CILK1: variants seen among roughly 807,000 people sequenced by gnomAD.
The protein encoded by CILK1 is serine/threonine-protein kinase ICK.
In CILK1, 47 loss-of-function variants were observed where a neutral mutation model predicts 79.2. The observed-to-expected ratio is 0.59, with a 90% CI of 0.47 to 0.76. The LOEUF is 0.76. Ranked by LOEUF, CILK1 falls within the 30% of genes least tolerant of loss-of-function variation. The probability of loss-of-function intolerance (pLI) is 0.00; values close to 1 mark genes in which losing one functional copy is unlikely to be tolerated. For synonymous variants in CILK1, 266 were observed against 275.9 expected (o/e 0.96, Z 0.36); for missense variants, 660 against 769.5 (o/e 0.86, Z 1.68).
intron 3 of CILK1, among the ~76,000 whole-genome samples, chr6:53,034,008 G>A (rs903322441): frequency 2.2e-4 from 34 of 152,168 alleles, no homozygotes; most frequent in Admixed American, 7.9e-4. Flanking sequence ...TCTTTCGGTC[G>A]GGTTGGATTC....
Position 53,061,758 on chromosome 6 carries a change from G to A in CILK1, c.-335C>T, listed in dbSNP as rs904040545. On this transcript the variant is annotated 5_prime_UTR_variant, in exon 1 of 14. Coordinates refer to ENST00000676107, the MANE Select transcript of CILK1 (RefSeq NM_014920.5). ...CCCGCGAGGTCCGGCGAGTCGCACG[G>A]GCCGCACGGCGCATGGTAGTGCAGC... The A allele has an allele frequency of 3.3e-5, 5 of 152,316 alleles. No individual in the cohort carries two copies. Among genetic ancestry groups the A allele is most frequent in the African/African-American group, 1.2e-4 (5 of 41,470 alleles). The allele number at this position is 152,316 out of a possible 1,614,324, so 9.4% of individuals were successfully genotyped here.
intron 5 of CILK1, among the ~76,000 whole-genome samples, chr6:53,029,227 A>T (rs1765768424): frequency 6.6e-6 from 1 of 152,134 alleles, no homozygotes; most frequent in South Asian, 2.1e-4. Flanking sequence ...CTTTTCCCTG[A>T]GCTCTTAATC....
chr6:53,041,656 G>A (rs780765852), intron 1 of CILK1, among the ~76,000 whole-genome samples: 3 of 152,136 alleles, frequency 2.0e-5, no homozygotes, highest in African/African-American at 4.8e-5. Context: ...CTTGATTCCC[G>A]GCTGGGGCTG....
chr6:53,036,876 AATT>A (rs1766374865), intron 3 of CILK1, among the ~76,000 whole-genome samples: 1 of 152,116 alleles, frequency 6.6e-6, no homozygotes, highest in Non-Finnish European at 1.5e-5. Flanking sequence ...AATTATACTA[AATT>A]ATTATTACAT....
intron 1 of CILK1, 109 bp from the exon 2 acceptor site, chr6:53,041,517 C>A: frequency 2.5e-6 from 1 of 408,156 alleles, no homozygotes; most frequent in Non-Finnish European, 4.7e-6. Context: ...TACCCACATA[C>A]TTGCATACCA....
At chr6:53,032,473 G>T in intron 4 of CILK1, 60 bp downstream of exon 4, 1 of 1,191,516 alleles carries the variant, frequency 8.4e-7, no homozygotes, top group Non-Finnish European at 1.1e-6. Flanking sequence ...AAAGCAGAAA[G>T]AAAACACATC....
intron 5 of CILK1, among the ~76,000 whole-genome samples, chr6:53,026,055 T>C (rs928682247): frequency 3.9e-5 from 6 of 152,256 alleles, no homozygotes; most frequent in Admixed American, 1.3e-4. Context: ...ATCCTTCCTG[T>C]GCCTTAGTTT....
At chr6:53,038,366 C>T (rs193038483) in intron 2 of CILK1, among the ~76,000 whole-genome samples, 2 of 152,268 alleles carry the variant, frequency 1.3e-5, no homozygotes, top group African/African-American at 4.8e-5. Flanking sequence ...ATGGTAGCCA[C>T]TAGACACATG....
In CILK1 at chr6:53,018,388, C is replaced by G. The variant is rs750146298; in HGVS notation, c.605G>C (p.Gly202Ala). Residue 202 changes from glycine (G) to alanine (A), a missense_variant, in exon 7 of 14, where the codon GGA (glycine) becomes GCA (alanine). By Grantham distance (60) the Gly-to-Ala change is moderately conservative. Coordinates refer to ENST00000676107, the MANE Select transcript of CILK1 (RefSeq NM_014920.5). ...EVYTLRPLFP[G>A]ASEIDTIFKI... The stretch of plus-strand genomic sequence containing the variant: ...GAATATTGTGTCAATTTCACTGGCT[C>G]CAGGGAAGAGTGGCCTGAGGGTGTA... The G allele has an allele frequency of 1.2e-6, 2 of 1,614,136 alleles. No individual in the cohort carries two copies. The highest frequency in any genetic ancestry group is 2.2e-5 in the East Asian group (1 of 44,878).
Position 53,061,581 on chromosome 6 carries a change from C to G in CILK1, c.-173+15G>C, listed in dbSNP as rs1043447950. ...TCGCCCGGCAGAAGCCCCTAAATCC[C>G]GGAGCCCCACTTACTGGCGCCGCGA... On this transcript the variant is annotated intron_variant, in intron 1 of 13. Coordinates refer to ENST00000676107, the MANE Select transcript of CILK1 (RefSeq NM_014920.5). 4 of 152,348 alleles carry G rather than the reference C, an allele frequency of 2.6e-5. No individual in the cohort carries two copies. Among genetic ancestry groups the G allele is most frequent in the Non-Finnish European group, 4.4e-5 (3 of 68,142 alleles). The allele number at this position is 152,348 out of a possible 1,614,324, so 9.4% of individuals were successfully genotyped here.
chr6:53,047,016 AG>A (rs1463115243), intron 1 of CILK1, among the ~76,000 whole-genome samples: 1 of 152,248 alleles, frequency 6.6e-6, no homozygotes, highest in Non-Finnish European at 1.5e-5. Flanking sequence ...ACAAGAGGGC[AG>A]GCACAGCCTA....
chr6:53,014,073 T>C, intron 8 of CILK1, 91 bp from the exon 9 acceptor site: 1 of 1,010,476 alleles, frequency 9.9e-7, no homozygotes, highest in Non-Finnish European at 1.5e-6. Context: ...TGTGACCAGT[T>C]TACTACTGTT....
Position 53,018,338 on chromosome 6 carries a change from G to A in CILK1, c.655C>T (p.Pro219Ser), listed in dbSNP as rs1765012484. The A allele has an allele frequency of 1.2e-6, 2 of 1,613,980 alleles. No individual in the cohort carries two copies. Among genetic ancestry groups the A allele is most frequent in the Middle Eastern group, 1.6e-4 (1 of 6,080 alleles). Residue 219 changes from proline (P) to serine (S), a missense_variant, in exon 7 of 14, where the codon CCA becomes TCA. Coordinates refer to ENST00000676107, the MANE Select transcript of CILK1 (RefSeq NM_014920.5). ...IFKICQVLGT[P>S]KKTDWPEGYQ... ...TTGTTTTGTATCATTACCTTTTTTG[G>A]TGTCCCCAGCACTTGGCAAATTTTG...
At chr6:53,022,300 C>T (rs1038966850) in intron 5 of CILK1, among the ~76,000 whole-genome samples, 7 of 152,172 alleles carry the variant, frequency 4.6e-5, no homozygotes, top group Non-Finnish European at 7.3e-5. Context: ...AGAGCCATTT[C>T]CTGCAAGCTC....
At chr6:53,052,938 A>AT (rs757162225) in intron 1 of CILK1, among the ~76,000 whole-genome samples, 201 of 135,946 alleles carry the variant, frequency 1.5e-3, no homozygotes, top group Middle Eastern at 4.0e-3. Flanking sequence ...GCCACTTGCC[A>AT]TTTTTTTTTT....
chr6:53,059,580 C>G (rs146314986), intron 1 of CILK1, among the ~76,000 whole-genome samples: 1 of 152,292 alleles, frequency 6.6e-6, no homozygotes, highest in East Asian at 1.9e-4. Context: ...GCACTATGAG[C>G]AGTGACACTG....
At chr6:53,050,844 TA>T (rs1767435175) in intron 1 of CILK1, among the ~76,000 whole-genome samples, 1 of 152,110 alleles carries the variant, frequency 6.6e-6, no homozygotes, top group Non-Finnish European at 1.5e-5. Flanking sequence ...AAATTTTTTT[TA>T]ATTTAAAAAA....
chr6:53,042,390 C>A (rs1766779355), intron 1 of CILK1, among the ~76,000 whole-genome samples: 1 of 152,174 alleles, frequency 6.6e-6, no homozygotes, highest in South Asian at 2.1e-4. Context: ...ATACTGTGTT[C>A]TATACACTTG....
In CILK1 at chr6:53,003,225, A is replaced by G. The variant is rs1163816715; in HGVS notation, c.*1924T>C. On this transcript the variant is annotated 3_prime_UTR_variant, in exon 14 of 14. Transcript: ENST00000676107. ...TCCACATCCATTATGTGCTTTTCTC[A>G]TGCCCCTAGGGATCATGGTGCTTGG... 1 of 152,588 alleles carries G rather than the reference A, an allele frequency of 6.6e-6. No homozygotes were observed. The highest frequency in any genetic ancestry group is 1.5e-5 in the Non-Finnish European group (1 of 68,032). 9.5% of individuals were successfully genotyped at this position (152,588 alleles called of 1,614,324 possible).
Sources: allele counts gnomAD v4.1 joint callset (sites outside exome capture counted in the v4.1 genomes callset), GRCh38; gene constraint gnomAD v4.1.1; transcripts MANE v1.5; gene names NCBI Gene and HGNC (gene_info 2026-07-23, HGNC 2026-07-21).